The following GLI3 variants were observed in gnomAD, a reference collection of about 807,000 sequenced individuals.
GLI3 encodes GLI family zinc finger 3.
GLI3 carries 20 observed loss-of-function variants against 100.8 expected under a neutral mutation model. The observed-to-expected ratio is 0.20, with a 90% confidence interval of 0.14 to 0.29. GLI3 has a LOEUF of 0.29. Among genes scored for constraint, GLI3 ranks in the 10% least tolerant of loss-of-function variants. GLI3 has a pLI of 1.00. For missense variants in GLI3, 2,040 were observed against 2,128.5 expected, an observed-to-expected ratio of 0.96 and a Z score of 0.82; for synonymous variants, 938 against 860.5, an observed-to-expected ratio of 1.09 and a Z score of -1.58.
intron 1 of GLI3, among the ~76,000 whole-genome samples, chr7:42,234,924 T>C (rs1788760417): frequency 6.6e-6 from 1 of 152,250 alleles, no homozygotes. Context: ...TGTTTTAGGT[T>C]TGAATATAGT....
At chr7:42,263,452 T>TTTA (rs202112726) in intron 1 of GLI3, among the ~76,000 whole-genome samples, 46 of 10,166 alleles carry the variant, frequency 4.5e-3, no homozygotes, top group African/African-American at 6.4e-3. Context: ...ATTTTATTTA[T>TTTA]TTTTTTTTTT....
chr7:42,039,566 G>A (rs1053600044), intron 7 of GLI3, among the ~76,000 whole-genome samples: 2 of 152,132 alleles, frequency 1.3e-5, no homozygotes, highest in African/African-American at 2.4e-5. Context: ...TCCATCAGAC[G>A]AAAAGTCCTG....
rs376337298 is a variant in GLI3 at position 42,026,364 on chromosome 7, C to T, written c.1077G>A (p.Met359Ile). 1 of 1,614,116 alleles carries T rather than the reference C, an allele frequency of 6.2e-7. No homozygotes were observed. The highest frequency in any genetic ancestry group is 8.5e-7 in the Non-Finnish European group (1 of 1,180,024). Residue 359 changes from methionine (M) to isoleucine (I), a missense_variant, in exon 8 of 15, where the codon ATG (methionine) becomes ATA (isoleucine). Physicochemically the swap from Met to Ile is conservative, Grantham distance 10. Coordinates refer to ENST00000395925, the MANE Select transcript of GLI3 (RefSeq NM_000168.6). ...TYSSAPVSLHMHQQILSRQQS... is the reference protein window; with the variant it reads ...TYSSAPVSLHIHQQILSRQQS... Reference sequence around the variant, plus strand: ...GTTGTCGGCTTAGGATCTGCTGATGCATGTGGAGAGAGACGGGCGCGGAAG... The same window carrying T: ...GTTGTCGGCTTAGGATCTGCTGATGTATGTGGAGAGAGACGGGCGCGGAAG...
At chr7:42,260,310 A>T (rs1789125490) in intron 1 of GLI3, among the ~76,000 whole-genome samples, 1 of 152,178 alleles carries the variant, frequency 6.6e-6, no homozygotes, top group Non-Finnish European at 1.5e-5. Context: ...TGCTCCTTAC[A>T]CGTGTTGTAC....
intron 2 of GLI3, among the ~76,000 whole-genome samples, chr7:42,149,251 A>T (rs1786798160): frequency 6.6e-6 from 1 of 152,188 alleles, no homozygotes; most frequent in South Asian, 2.1e-4. Context: ...GGGGATGTTG[A>T]TATGTGTCCA....
chr7:41,979,431 G>A (rs1787597490), intron 10 of GLI3, among the ~76,000 whole-genome samples: 1 of 152,206 alleles, frequency 6.6e-6, no homozygotes, highest in Non-Finnish European at 1.5e-5. Flanking sequence ...GGATTCACTA[G>A]TTGCTAAGGG....
chr7:42,251,036 T>A (rs1211518426), intron 1 of GLI3, among the ~76,000 whole-genome samples: 1 of 152,136 alleles, frequency 6.6e-6, no homozygotes, highest in Non-Finnish European at 1.5e-5. Flanking sequence ...GATGGAACCA[T>A]AATTTCTGTT....
intron 2 of GLI3, among the ~76,000 whole-genome samples, chr7:42,173,943 C>T (rs772239574): frequency 3.9e-5 from 6 of 152,158 alleles, no homozygotes; most frequent in Admixed American, 6.5e-5. Flanking sequence ...TAAAGGATTA[C>T]AGAAATTTTG....
intron 1 of GLI3, among the ~76,000 whole-genome samples, chr7:42,253,862 C>A (rs1789057981): frequency 6.6e-6 from 1 of 152,120 alleles, no homozygotes; most frequent in African/African-American, 2.4e-5. Context: ...GAGATCTTTA[C>A]CCTCCAAGTC....
chr7:42,202,340 TCTCTCTCACA>T lies in GLI3; in HGVS notation c.124+20780_124+20789del, dbSNP rs1313941616. Reference sequence around the variant, plus strand: ...ATCTGTCTCTCTCTCTCTCTCTCTCTCTCTCTCACACACACACACACACACACACACACAC... The same window carrying T: ...ATCTGTCTCTCTCTCTCTCTCTCTCTCACACACACACACACACACACACAC... On this transcript the variant is annotated intron_variant, in intron 2 of 14. Transcript: ENST00000395925. Among the ~76,000 whole-genome samples the T allele has an allele frequency of 2.1e-3, 73 of 34,822 alleles. No individual in the cohort carries two copies. The Middle Eastern group carries it at 0.058, about 28-fold the overall frequency. 22.8% of individuals were successfully genotyped at this position (34,822 alleles called of 152,430 possible).
chr7:42,164,123 A>T (rs1342658763), intron 2 of GLI3, among the ~76,000 whole-genome samples: 1 of 152,242 alleles, frequency 6.6e-6, no homozygotes, highest in Non-Finnish European at 1.5e-5. Context: ...GAGTAGAAAA[A>T]ATAATCACTA....
At chr7:42,135,022 G>A (rs1786392771) in intron 3 of GLI3, among the ~76,000 whole-genome samples, 1 of 152,142 alleles carries the variant, frequency 6.6e-6, no homozygotes, top group Non-Finnish European at 1.5e-5. Context: ...TGGAGTCAAA[G>A]CTCTATTGTA....
chr7:42,191,655 A>AAAAAAT (rs1429455450), intron 2 of GLI3, among the ~76,000 whole-genome samples: 2 of 148,676 alleles, frequency 1.3e-5, no homozygotes, highest in African/African-American at 4.9e-5. Flanking sequence ...CGTTTCAAAA[A>AAAAAAT]ATATATATAT....
chr7:42,189,006 T>A (rs893384144), intron 2 of GLI3, among the ~76,000 whole-genome samples: 2 of 152,142 alleles, frequency 1.3e-5, no homozygotes, highest in Non-Finnish European at 2.9e-5. Flanking sequence ...TGGGTGATAA[T>A]GCGATGTCCA....
intron 1 of GLI3, among the ~76,000 whole-genome samples, chr7:42,232,122 T>TA (rs1788706180): frequency 6.8e-6 from 1 of 146,470 alleles, no homozygotes; most frequent in South Asian, 2.3e-4. Context: ...CCCCACCACC[T>TA]AGCCCCCTCC....
chr7:42,255,637 C>T (rs533340441), intron 1 of GLI3, among the ~76,000 whole-genome samples: 8 of 152,194 alleles, frequency 5.3e-5, no homozygotes, highest in South Asian at 4.2e-4. Flanking sequence ...TTATGTGTAG[C>T]GTATTTATTC....
At chr7:42,138,435 A>C (rs1786482885) in intron 3 of GLI3, among the ~76,000 whole-genome samples, 2 of 152,228 alleles carry the variant, frequency 1.3e-5, no homozygotes. Flanking sequence ...ATTTGATCAA[A>C]AGGTCAACCC....
chr7:42,021,656 A>C (rs903443463), intron 10 of GLI3, among the ~76,000 whole-genome samples: 4 of 152,232 alleles, frequency 2.6e-5, no homozygotes, highest in Non-Finnish European at 4.4e-5. Flanking sequence ...ATAAGCTCTT[A>C]TTTCATTCCT....
At chr7:41,973,951 C>G (rs1787434395) in intron 12 of GLI3, among the ~76,000 whole-genome samples, 1 of 152,118 alleles carries the variant, frequency 6.6e-6, no homozygotes, top group Non-Finnish European at 1.5e-5. Context: ...ACATCAAATT[C>G]TATGCATTAG....
Sources: gnomAD v4.1 joint callset for allele counts (sites outside exome capture counted in the v4.1 genomes callset) on GRCh38, gnomAD v4.1.1 for gene constraint, MANE v1.5 for transcripts, NCBI Gene and HGNC (gene_info 2026-07-23, HGNC 2026-07-21) for gene names.